Variants in NELL1 observed in about 807,000 individuals in gnomAD.
NELL1 encodes protein kinase C-binding protein NELL1.
NELL1 carries 76 observed loss-of-function variants against 107.4 expected under a neutral mutation model. The ratio of observed to expected loss-of-function variants is 0.71; its 90% CI spans 0.59 to 0.86. The LOEUF (loss-of-function observed/expected upper bound fraction) is 0.86, where lower values mean the gene tolerates loss of function less well. NELL1 is among the 40% of genes least tolerant of loss of function. The pLI is 0.00. For synonymous variants in NELL1, 353 were observed against 341.2 expected (o/e 1.03, Z -0.38); for missense variants, 1,024 against 1,005.5 (o/e 1.02, Z -0.25).
At chr11:21,210,914 G>A (rs1301673620) in intron 13 of NELL1, among the ~76,000 whole-genome samples, 1 of 152,014 alleles carries the variant, frequency 6.6e-6, no homozygotes, top group Non-Finnish European at 1.5e-5. Context: ...TGATACCAAA[G>A]CTTTTTATCT....
At chr11:21,246,063 T>C (rs139258025) in intron 14 of NELL1, among the ~76,000 whole-genome samples, 2 of 152,166 alleles carry the variant, frequency 1.3e-5, no homozygotes, top group Admixed American at 1.3e-4. Flanking sequence ...AATACAGATA[T>C]AGTAAAGTAT....
At chr11:21,108,283 T>A (rs1855017923) in intron 12 of NELL1, among the ~76,000 whole-genome samples, 1 of 152,174 alleles carries the variant, frequency 6.6e-6, no homozygotes, top group African/African-American at 2.4e-5. Flanking sequence ...AATTTAATGA[T>A]GATGATGCCA....
rs553737856 is a variant in NELL1, at chr11:21,175,847, A to G, written c.1427-53485A>G. Among the ~76,000 whole-genome samples, 115 of 151,954 alleles carry G rather than the reference A, an allele frequency of 7.6e-4. 3 individuals carry two copies. Among genetic ancestry groups the G allele is most frequent in the African/African-American group, 2.5e-3 (105 of 41,252 alleles). On this transcript the variant is annotated intron_variant, in intron 13 of 19. Transcript: ENST00000357134. ...GCTGTCATAGTCAATGAAAAAGTTG[A>G]GGCTTTGTGCCGTCCAATTTTGCCT...
intron 2 of NELL1, among the ~76,000 whole-genome samples, chr11:20,752,116 G>T (rs1856153868): frequency 6.6e-6 from 1 of 151,922 alleles, no homozygotes; most frequent in East Asian, 1.9e-4. Flanking sequence ...AAATAGAAAT[G>T]ATGCTGAATA....
chr11:21,022,477 G>A (rs1852723449), intron 12 of NELL1, among the ~76,000 whole-genome samples: 1 of 152,110 alleles, frequency 6.6e-6, no homozygotes, highest in Non-Finnish European at 1.5e-5. Context: ...ACTAAATTGG[G>A]TTGCTAAACC....
At chr11:21,383,796 T>A (rs1189135034) in intron 15 of NELL1, 1 of 151,550 alleles carries the variant, frequency 6.6e-6, no homozygotes, top group Non-Finnish European at 1.5e-5. Flanking sequence ...CCCCTCAAAA[T>A]GCTTTTTTTA....
At chr11:21,169,095 C>T (rs888655185) in intron 13 of NELL1, among the ~76,000 whole-genome samples, 1 of 151,912 alleles carries the variant, frequency 6.6e-6, no homozygotes. Context: ...GTCTACCCAT[C>T]ATTCCAAATA....
intron 4 of NELL1, among the ~76,000 whole-genome samples, chr11:20,871,327 A>T (rs1849192530): frequency 6.6e-6 from 1 of 152,180 alleles, no homozygotes; most frequent in Non-Finnish European, 1.5e-5. Flanking sequence ...ACACATGGAG[A>T]ATATTCAGCT....
At chr11:21,540,572 G>C (rs1464011146) in intron 16 of NELL1, among the ~76,000 whole-genome samples, 1 of 152,034 alleles carries the variant, frequency 6.6e-6, no homozygotes. Context: ...AGCATGGCTG[G>C]GGAGGCCTCA....
chr11:21,199,493 T>C (rs1857221161), intron 13 of NELL1, among the ~76,000 whole-genome samples: 1 of 152,202 alleles, frequency 6.6e-6, no homozygotes. Context: ...CATAGTTTTA[T>C]ATTTCCAGGG....
Position 20,789,178 on chromosome 11 carries a change from C to T in NELL1, c.335+5348C>T, listed in dbSNP as rs150364769. ...GCCCACTGGGCTCGTTCTACCCACT[C>T]GGCCTGGCAGGCTGCACTCAGCTCA... On this transcript the variant is annotated intron_variant, in intron 3 of 19. Transcript: ENST00000357134. Among the ~76,000 whole-genome samples the T allele has an allele frequency of 2.5e-3, 382 of 152,312 alleles. 3 individuals are homozygous for T. Among genetic ancestry groups the T allele is most frequent in the African/African-American group, 8.4e-3 (350 of 41,562 alleles).
chr11:21,264,071 GGTGTGTGT>G (rs10525326), intron 14 of NELL1, among the ~76,000 whole-genome samples: 43 of 139,532 alleles, frequency 3.1e-4, no homozygotes, highest in South Asian at 1.6e-3. Context: ...TCTACAATGG[GGTGTGTGT>G]GTGTGTGTGT....
intron 3 of NELL1, among the ~76,000 whole-genome samples, chr11:20,824,652 G>T (rs1857839661): frequency 6.6e-6 from 1 of 151,270 alleles, no homozygotes; most frequent in African/African-American, 2.4e-5. Flanking sequence ...TGAGGAACTT[G>T]TTGGGAAATG....
chr11:21,543,159 A>T (rs1340499575), intron 16 of NELL1, among the ~76,000 whole-genome samples: 2 of 152,070 alleles, frequency 1.3e-5, no homozygotes, highest in Non-Finnish European at 1.5e-5. Context: ...CCCACCCTAC[A>T]CATAAGATAT....
intron 13 of NELL1, among the ~76,000 whole-genome samples, chr11:21,175,617 A>G (rs1856695544): frequency 6.6e-6 from 1 of 151,910 alleles, no homozygotes. Flanking sequence ...ATGGGTTGCT[A>G]CATAGGTATC....
At chr11:20,940,447 C>T (rs7942651) in intron 10 of NELL1, among the ~76,000 whole-genome samples, 90,252 of 151,806 alleles carry the variant, frequency 0.59, 29,179 homozygotes, top group Non-Finnish European at 0.72. Flanking sequence ...TTAGTAGAGA[C>T]GGGTTGTTGG....
chr11:21,195,558 T>A (rs1857134109), intron 13 of NELL1, among the ~76,000 whole-genome samples: 1 of 57,932 alleles, frequency 1.7e-5, no homozygotes, highest in Non-Finnish European at 3.4e-5. Flanking sequence ...TTAGCCACAT[T>A]AAGAAAAGTA....
intron 14 of NELL1, among the ~76,000 whole-genome samples, chr11:21,337,825 T>TTGCTTTCC: frequency 4.3e-5 from 1 of 23,146 alleles, no homozygotes; most frequent in African/African-American, 1.6e-4. Context: ...TCCTTCTTTC[T>TTGCTTTCC]TTCTTTCTTT....
chr11:21,296,853 G>T (rs1849386091), intron 14 of NELL1, among the ~76,000 whole-genome samples: 1 of 151,314 alleles, frequency 6.6e-6, no homozygotes, highest in Non-Finnish European at 1.5e-5. Flanking sequence ...GTAAAGAAAA[G>T]ATAATATTTC....
Sources: allele counts gnomAD v4.1 joint callset (sites outside exome capture counted in the v4.1 genomes callset), GRCh38; gene constraint gnomAD v4.1.1; transcripts MANE v1.5; gene names NCBI Gene and HGNC (gene_info 2026-07-23, HGNC 2026-07-21).